The following NLRC5 variants were observed in gnomAD, a reference collection of about 807,000 sequenced individuals.
NLRC5 encodes NLR family CARD domain containing 5.
A neutral mutation model predicts 206.9 loss-of-function variants in NLRC5; 114 were observed. That is an observed-to-expected ratio of 0.55 (90% CI 0.47 to 0.64). The LOEUF is 0.64. NLRC5 is among the 30% of genes least tolerant of loss of function. The probability of loss-of-function intolerance (pLI) is 0.00; values close to 1 mark genes in which losing one functional copy is unlikely to be tolerated. For missense variants in NLRC5, 2,008 were observed against 2,305.5 expected, an observed-to-expected ratio of 0.87 and a Z score of 2.64; for synonymous variants, 952 against 962.8, an observed-to-expected ratio of 0.99 and a Z score of 0.21.
chr16:57,036,773 T>C (rs1231707454), intron 14 of NLRC5, among the ~76,000 whole-genome samples: 1 of 152,032 alleles, frequency 6.6e-6, no homozygotes, highest in Non-Finnish European at 1.5e-5. Context: ...CTTCGCTCTG[T>C]CACTTAGTAG....
intron 1 of NLRC5, among the ~76,000 whole-genome samples, chr16:56,995,934 A>C (rs2057547535): frequency 6.6e-6 from 1 of 152,220 alleles, no homozygotes; most frequent in Admixed American, 6.5e-5. Context: ...TGGAGAGGGC[A>C]TCCGATTCCA....
chr16:57,027,097 G>A (rs778482745), intron 6 of NLRC5, 79 bp downstream of exon 6: 2 of 1,482,070 alleles, frequency 1.3e-6, no homozygotes, highest in African/African-American at 1.4e-5. Context: ...GCAAACCTCT[G>A]CCAAGAGGAC....
At chr16:57,000,724 C>T (rs2058141302) in intron 1 of NLRC5, among the ~76,000 whole-genome samples, 1 of 152,172 alleles carries the variant, frequency 6.6e-6, no homozygotes, top group African/African-American at 2.4e-5. Flanking sequence ...ACAGTCACCC[C>T]TGCATCATCA....
chr16:57,079,117 C>A lies in NLRC5; in HGVS notation c.5149C>A (p.His1717Asn), dbSNP rs773641875. The A allele has an allele frequency of 2.5e-6, 4 of 1,614,166 alleles. No individual in the cohort carries two copies. The highest frequency in any genetic ancestry group is 1.1e-5 in the South Asian group (1 of 91,086). The change falls in exon 44 of 49, where the codon CAT becomes AAT. Residue 1717 changes from histidine to asparagine, a missense_variant. His to Asn is a moderately conservative substitution (Grantham distance 68). Coordinates refer to ENST00000688547, the MANE Select transcript of NLRC5 (RefSeq NM_001384950.1). ...GGCCCAGGCCCTGGATGGATCCCCC[C>A]ATTTGGAAGAGATCAGGTAAGTAGG... ...SLAQALDGSP[H>N]LEEISLAENN... is the part of the protein sequence containing the mutation.
chr16:57,080,481 A>ATT (rs34595999), intron 46 of NLRC5, among the ~76,000 whole-genome samples: 51,581 of 110,962 alleles, frequency 0.46, 13,742 homozygotes, highest in Non-Finnish European at 0.54. Context: ...TCCTTTCAAG[A>ATT]TTTTTTTTTT....
intron 39 of NLRC5, among the ~76,000 whole-genome samples, chr16:57,075,260 C>G (rs2068253748): frequency 6.6e-6 from 1 of 151,952 alleles, no homozygotes; most frequent in African/African-American, 2.4e-5. Flanking sequence ...GCTCTTGTTG[C>G]CCAGGCTGGA....
At chr16:57,070,165 A>G (rs2067473520) in intron 37 of NLRC5, among the ~76,000 whole-genome samples, 1 of 152,096 alleles carries the variant, frequency 6.6e-6, no homozygotes, top group Non-Finnish European at 1.5e-5. Flanking sequence ...TGATTGCCTT[A>G]TCTATGAAAA....
At chr16:57,003,173 C>A (rs533321411) in intron 1 of NLRC5, among the ~76,000 whole-genome samples, 1 of 152,256 alleles carries the variant, frequency 6.6e-6, no homozygotes, top group African/African-American at 2.4e-5. Flanking sequence ...TATTCTCCCA[C>A]CTCAGCCTGG....
chr16:57,079,275 G>T lies in NLRC5; in HGVS notation c.5220G>T (p.Pro1740=). ...TCCTGCGTTTCTGTATGGAGCTCCC[G>T]CTGCTCAGACAGATAGAGTAAGTAG... ...GGVLRFCMEL[P]LLRQIDLVSC... Residue 1740 remains proline (P), a synonymous_variant, in exon 45 of 49, where the codon CCG becomes CCT. Transcript: ENST00000688547. 5 of 1,613,440 alleles carry T rather than the reference G, an allele frequency of 3.1e-6. No individual in the cohort carries two copies. The highest frequency in any genetic ancestry group is 4.2e-6 in the Non-Finnish European group (5 of 1,180,012).
intron 26 of NLRC5, 122 bp downstream of exon 26, chr16:57,055,216 T>C (rs2065461661): frequency 9.0e-7 from 1 of 1,110,148 alleles, no homozygotes; most frequent in African/African-American, 1.5e-5. Context: ...GGAACAACCC[T>C]GCAGAGGGAC....
chr16:57,058,549 G>T, intron 28 of NLRC5: 1 of 321,808 alleles, frequency 3.1e-6, no homozygotes. Context: ...AGATGTCCCT[G>T]TGGCAGGCAA....
intron 19 of NLRC5, 106 bp downstream of exon 19, chr16:57,042,171 T>C: frequency 1.5e-6 from 1 of 670,904 alleles, no homozygotes; most frequent in South Asian, 2.8e-5. Flanking sequence ...AATCGGAAAA[T>C]GCATGAAAAT....
At chr16:57,059,627 C>A in intron 30 of NLRC5, 95 bp downstream of exon 30, 4 of 1,215,606 alleles carry the variant, frequency 3.3e-6, no homozygotes, top group South Asian at 1.6e-5. Flanking sequence ...TGGGCCCTCT[C>A]CTCCTTTAGA....
intron 17 of NLRC5, among the ~76,000 whole-genome samples, chr16:57,041,084 C>T (rs1181436268): frequency 6.6e-6 from 1 of 152,172 alleles, no homozygotes; most frequent in Non-Finnish European, 1.5e-5. Flanking sequence ...GCACTCTTCC[C>T]CCCTTCTCTC....
In NLRC5 at chr16:57,083,474, T is replaced by C. The variant is rs1179220748; in HGVS notation, c.*946T>C. 1 of 152,268 alleles carries C rather than the reference T, an allele frequency of 6.6e-6. No homozygotes were observed. The highest frequency in any genetic ancestry group is 1.5e-5 in the Non-Finnish European group (1 of 68,066). 9.4% of individuals were successfully genotyped at this position (152,268 alleles called of 1,614,324 possible). ...TTCCAAGGAGAACCAAGAATGGCTC[T>C]GTCACACTCGAAGCCAGGCTTGATC... On this transcript the variant is annotated 3_prime_UTR_variant, in exon 49 of 49. Transcript: ENST00000688547.
intron 3 of NLRC5, among the ~76,000 whole-genome samples, chr16:57,021,766 G>A (rs1352455282): frequency 3.9e-5 from 6 of 152,288 alleles, no homozygotes; most frequent in African/African-American, 1.2e-4. Context: ...GGATTTCTTG[G>A]GCACCTTCTG....
rs2061262223 is a variant in NLRC5, at chr16:57,026,263, G to A, written c.1320G>A (p.Met440Ile). 2 of 1,613,856 alleles carry A rather than the reference G, an allele frequency of 1.2e-6. No homozygotes were observed. Among genetic ancestry groups the A allele is most frequent in the Non-Finnish European group, 1.7e-6 (2 of 1,180,050 alleles). Residue 440 changes from methionine (M) to isoleucine (I), a missense_variant, in exon 6 of 49, where the codon ATG becomes ATA. By Grantham distance (10) the Met-to-Ile change is conservative (BLOSUM62 1). Coordinates refer to ENST00000688547, the MANE Select transcript of NLRC5 (RefSeq NM_001384950.1). ...TGCCCAACATGACTCAGCTCTATAT[G>A]CAGATGGTGCTCGCCCTCAGCCCCC... ...ALLPNMTQLY[M>I]QMVLALSPPG...
chr16:57,021,770 C>A (rs1202081765), intron 3 of NLRC5, among the ~76,000 whole-genome samples: 1 of 152,152 alleles, frequency 6.6e-6, no homozygotes, highest in Non-Finnish European at 1.5e-5. Flanking sequence ...TTCTTGGGCA[C>A]CTTCTGTTTG....
At chr16:57,021,931 TAC>T (rs1224132051) in intron 3 of NLRC5, among the ~76,000 whole-genome samples, 1 of 152,340 alleles carries the variant, frequency 6.6e-6, no homozygotes, top group South Asian at 2.1e-4. Flanking sequence ...CATATGCAGA[TAC>T]ACACAGTGCA....
Sources: gnomAD v4.1 joint callset for allele counts (sites outside exome capture counted in the v4.1 genomes callset) on GRCh38, gnomAD v4.1.1 for gene constraint, MANE v1.5 for transcripts, NCBI Gene and HGNC (gene_info 2026-07-23, HGNC 2026-07-21) for gene names.